CDH18: variants seen among roughly 807,000 people sequenced by gnomAD.
CDH18 encodes the protein cadherin 18.
CDH18 carries 31 observed loss-of-function variants against 67.9 expected under a neutral mutation model. That is an observed-to-expected ratio of 0.46 (90% CI 0.34 to 0.62). The LOEUF is 0.62. CDH18 is among the 20% of genes least tolerant of loss of function. The probability of loss-of-function intolerance (pLI) is 0.01; values close to 1 mark genes in which losing one functional copy is unlikely to be tolerated. For missense variants in CDH18, 890 were observed against 975.5 expected (o/e 0.91, Z 1.17); for synonymous variants, 362 against 347.2 (o/e 1.04, Z -0.48).
At chr5:20,382,579 T>C (rs1743996027) in intron 1 of CDH18, among the ~76,000 whole-genome samples, 1 of 152,034 alleles carries the variant, frequency 6.6e-6, no homozygotes, top group African/African-American at 2.4e-5. Context: ...AGAGTTTCTA[T>C]AGAAGGAAAT....
In CDH18 at chr5:20,040,868, C is replaced by T. The variant is rs969805946; in HGVS notation, c.-517-48854G>A. On this transcript the variant is annotated intron_variant, in intron 2 of 14. Coordinates refer to the CDH18 transcript ENST00000507958. Reference sequence around the variant, plus strand: ...CAATTGATCTCTAATGATCCTCAAACTATGAAATAACATGATTACCTTTCT... The same window carrying T: ...CAATTGATCTCTAATGATCCTCAAATTATGAAATAACATGATTACCTTTCT... 2.0e-5 allele frequency among the ~76,000 whole-genome samples: 3 copies of T among 152,172 alleles called. No homozygotes were observed. The South Asian group carries it at 6.2e-4, about 31-fold the overall frequency.
intron 7 of CDH18, among the ~76,000 whole-genome samples, chr5:19,581,972 C>T (rs999723557): frequency 1.3e-5 from 2 of 151,906 alleles, no homozygotes; most frequent in Admixed American, 6.6e-5. Flanking sequence ...ATATATTTCT[C>T]TATACAGAAG....
intron 1 of CDH18, among the ~76,000 whole-genome samples, chr5:20,354,526 T>G (rs564788304): frequency 6.6e-6 from 1 of 152,286 alleles, no homozygotes; most frequent in South Asian, 2.1e-4. Flanking sequence ...ACGATCCTCC[T>G]GCCCCAAATG....
intron 5 of CDH18, among the ~76,000 whole-genome samples, chr5:19,627,795 C>A (rs1045025363): frequency 2.0e-5 from 3 of 152,042 alleles, no homozygotes; most frequent in Admixed American, 6.6e-5. Flanking sequence ...TGCACAAATG[C>A]CCTAATGTGG....
intron 3 of CDH18, among the ~76,000 whole-genome samples, chr5:19,810,893 C>T (rs1778563877): frequency 6.6e-6 from 1 of 151,724 alleles, no homozygotes; most frequent in Admixed American, 6.6e-5. Flanking sequence ...TATGGTGGCA[C>T]ATGCCTGTAA....
rs1409678142 is a variant in CDH18 at position 19,543,932 on chromosome 5, T to C, written c.1327A>G (p.Thr443Ala). 6.3e-7 allele frequency: 1 copy of C among 1,598,654 alleles called. No homozygotes were observed. The highest frequency in any genetic ancestry group is 8.6e-7 in the Non-Finnish European group (1 of 1,168,836). ...GTTTCTTCTCTGTCGAGAACCTTTGTAGTCCTAATGGTCCCAGTATTGGCA... is the reference window on the plus strand; with the variant it reads ...GTTTCTTCTCTGTCGAGAACCTTTGCAGTCCTAATGGTCCCAGTATTGGCA... ...IDANTGTIRT[T>A]KVLDREETPW... is the part of the protein sequence containing the mutation. The change falls in exon 9 of 13, where the codon ACA becomes GCA. Residue 443 changes from threonine to alanine, a missense_variant. This residue lies in a region of CDH18 where 656 missense variants were observed against 668.1 expected (regional missense o/e 0.98). Coordinates refer to ENST00000382275, the MANE Select transcript of CDH18 (RefSeq NM_004934.5).
intron 2 of CDH18, among the ~76,000 whole-genome samples, chr5:20,084,730 G>C (rs1744800739): frequency 6.6e-6 from 1 of 152,138 alleles, no homozygotes; most frequent in Non-Finnish European, 1.5e-5. Flanking sequence ...TCAACACCAT[G>C]CTGGAACCGC....
intron 1 of CDH18, among the ~76,000 whole-genome samples, chr5:20,334,753 T>TACACACACAC (rs35282241): frequency 0.01 from 1,442 of 138,396 alleles, 28 homozygotes; most frequent in African/African-American, 0.032. Flanking sequence ...CTCTCTCTCA[T>TACACACACAC]ACACACACAC....
At chr5:19,983,098 A>AAT (rs748209778) in intron 1 of CDH18, among the ~76,000 whole-genome samples, 7 of 151,834 alleles carry the variant, frequency 4.6e-5, no homozygotes, top group Non-Finnish European at 8.8e-5. Flanking sequence ...TCATATCAAA[A>AAT]ATATATATAT....
intron 5 of CDH18, among the ~76,000 whole-genome samples, chr5:19,614,736 C>A (rs1315142038): frequency 6.6e-6 from 1 of 152,126 alleles, no homozygotes; most frequent in Non-Finnish European, 1.5e-5. Context: ...ATATCTACAA[C>A]CACTTCCAGG....
intron 2 of CDH18, among the ~76,000 whole-genome samples, chr5:20,034,872 T>C (rs758661656): frequency 6.6e-6 from 1 of 152,040 alleles, no homozygotes; most frequent in Non-Finnish European, 1.5e-5. Context: ...GTGGGTTCTG[T>C]TTCTCTAAAG....
intron 1 of CDH18, among the ~76,000 whole-genome samples, chr5:20,358,982 G>A (rs1244951054): frequency 6.7e-6 from 1 of 148,256 alleles, no homozygotes; most frequent in Non-Finnish European, 1.5e-5. Flanking sequence ...GCCCTGGCTG[G>A]AGTGCAATGG....
At chr5:20,343,031 T>C (rs955651660) in intron 1 of CDH18, among the ~76,000 whole-genome samples, 16 of 152,172 alleles carry the variant, frequency 1.1e-4, no homozygotes, top group African/African-American at 3.6e-4. Flanking sequence ...TCTCTGTATG[T>C]CAGATCTAAC....
chr5:20,542,969 T>G (rs927231741), intron 1 of CDH18, among the ~76,000 whole-genome samples: 35 of 152,056 alleles, frequency 2.3e-4, no homozygotes, highest in African/African-American at 8.0e-4. Flanking sequence ...TTTTGGTAAA[T>G]AGTTAATTTC....
chr5:19,512,702 T>C (rs779422797), intron 10 of CDH18, among the ~76,000 whole-genome samples: 1 of 152,176 alleles, frequency 6.6e-6, no homozygotes, highest in Non-Finnish European at 1.5e-5. Flanking sequence ...CTATTATTAA[T>C]GGGTGTTGAA....
chr5:19,721,069 ATTAT>A (rs1561142757), intron 5 of CDH18, among the ~76,000 whole-genome samples: 1 of 152,212 alleles, frequency 6.6e-6, no homozygotes, highest in Non-Finnish European at 1.5e-5. Flanking sequence ...TTAAACACAG[ATTAT>A]TTATTTAAGT....
intron 1 of CDH18, among the ~76,000 whole-genome samples, chr5:19,985,163 C>T (rs1170801234): frequency 6.6e-6 from 1 of 151,900 alleles, no homozygotes; most frequent in African/African-American, 2.4e-5. Context: ...ATATAGCCCT[C>T]GTCTCTCAGT....
At chr5:20,439,980 C>A (rs978958064) in intron 1 of CDH18, among the ~76,000 whole-genome samples, 2 of 151,660 alleles carry the variant, frequency 1.3e-5, no homozygotes, top group African/African-American at 4.9e-5. Flanking sequence ...TATAATATTG[C>A]TGTAAGAACA....
intron 1 of CDH18, among the ~76,000 whole-genome samples, chr5:20,277,990 TA>T (rs1024490308): frequency 6.6e-6 from 1 of 151,832 alleles, no homozygotes; most frequent in African/African-American, 2.4e-5. Context: ...GCAAAAAGAA[TA>T]ACAATAATGA....
Sources: allele counts gnomAD v4.1 joint callset (sites outside exome capture counted in the v4.1 genomes callset), GRCh38; gene constraint gnomAD v4.1.1; regional missense constraint gnomAD v4.1.1; transcripts MANE v1.5; gene names NCBI Gene and HGNC (gene_info 2026-07-23, HGNC 2026-07-21).